FAM135B: variants seen among roughly 807,000 people sequenced by gnomAD.
The protein encoded by FAM135B is protein FAM135B.
In FAM135B, 43 loss-of-function variants were observed where a neutral mutation model predicts 127.7. The observed-to-expected ratio is 0.34, with a 90% CI of 0.26 to 0.43. The LOEUF is 0.43. FAM135B is among the 20% of genes least tolerant of loss of function. The pLI is 1.00. For missense variants in FAM135B, 1,558 were observed against 1,725.6 expected (o/e 0.90, Z 1.72); for synonymous variants, 670 against 665.1 (o/e 1.01, Z -0.11).
Position 138,241,855 on chromosome 8 carries a change from A to G in FAM135B, c.669+1087T>C, listed in dbSNP as rs993377968. The stretch of plus-strand genomic sequence containing the variant: ...CTGGATGAACTGGTCAATTGAATAA[A>G]GCAGATAGCCCTCTCCAACATGAAT... On this transcript the variant is annotated intron_variant, in intron 7 of 19. Coordinates refer to ENST00000395297, the MANE Select transcript of FAM135B (RefSeq NM_015912.4). The surrounding 1 kb of genome is among the most constrained non-coding windows in gnomAD (Gnocchi z 4.8). Among the ~76,000 whole-genome samples, 1 of 152,204 alleles carries G rather than the reference A, an allele frequency of 6.6e-6. No homozygotes were observed. Among genetic ancestry groups the G allele is most frequent in the Non-Finnish European group, 1.5e-5 (1 of 68,044 alleles).
At chr8:138,232,872 T>C (rs1417893292) in intron 7 of FAM135B, among the ~76,000 whole-genome samples, 1 of 152,222 alleles carries the variant, frequency 6.6e-6, no homozygotes, top group Non-Finnish European at 1.5e-5. Flanking sequence ...AGGCACAATG[T>C]TGTACAGCAG....
intron 1 of FAM135B, among the ~76,000 whole-genome samples, chr8:138,463,389 G>A (rs1241971712): frequency 1.3e-5 from 2 of 152,158 alleles, no homozygotes; most frequent in African/African-American, 2.4e-5. Flanking sequence ...CAAGAAGGGT[G>A]GGAGAGAATT....
At chr8:138,387,723 G>C (rs957298928) in intron 1 of FAM135B, among the ~76,000 whole-genome samples, 1 of 151,998 alleles carries the variant, frequency 6.6e-6, no homozygotes, top group African/African-American at 2.4e-5. Flanking sequence ...AAGGTTCATG[G>C]GTGGCATGGT....
At chr8:138,434,447 T>C (rs113638383) in intron 1 of FAM135B, among the ~76,000 whole-genome samples, 1 of 152,162 alleles carries the variant, frequency 6.6e-6, no homozygotes, top group East Asian at 1.9e-4. Context: ...ATTTTATAGA[T>C]GAGGAACCTA....
chr8:138,445,951 C>A (rs1295923398), intron 1 of FAM135B, among the ~76,000 whole-genome samples: 1 of 152,060 alleles, frequency 6.6e-6, no homozygotes, highest in Non-Finnish European at 1.5e-5. Context: ...GCAACTTCAG[C>A]AAAGTCTCAG....
intron 1 of FAM135B, among the ~76,000 whole-genome samples, chr8:138,381,442 A>G (rs1416791274): frequency 1.3e-5 from 2 of 151,962 alleles, no homozygotes; most frequent in Non-Finnish European, 2.9e-5. Flanking sequence ...GAAGCCCCCA[A>G]CCTTGCCTTG....
At chr8:138,435,142 C>CA (rs1835390550) in intron 1 of FAM135B, among the ~76,000 whole-genome samples, 1 of 151,902 alleles carries the variant, frequency 6.6e-6, no homozygotes, top group African/African-American at 2.4e-5. Flanking sequence ...ACTAAAAATA[C>CA]AAAAAATTAG....
At chr8:138,463,170 G>A (rs542775984) in intron 1 of FAM135B, among the ~76,000 whole-genome samples, 13 of 152,270 alleles carry the variant, frequency 8.5e-5, no homozygotes, top group African/African-American at 2.6e-4. Flanking sequence ...TTGCTTCATC[G>A]GGTTCTGTTG....
intron 1 of FAM135B, among the ~76,000 whole-genome samples, chr8:138,495,784 C>T (rs1181610609): frequency 1.3e-5 from 2 of 152,204 alleles, no homozygotes; most frequent in African/African-American, 4.8e-5. Flanking sequence ...GCCCAGGTGC[C>T]TCTCGGCTTT....
intron 12 of FAM135B, among the ~76,000 whole-genome samples, chr8:138,156,157 C>G (rs1156488711): frequency 6.6e-6 from 1 of 152,172 alleles, no homozygotes; most frequent in African/African-American, 2.4e-5. Flanking sequence ...CAAAACCGCT[C>G]AACTACATGG....
At chr8:138,454,012 G>A (rs555222081) in intron 1 of FAM135B, among the ~76,000 whole-genome samples, 1 of 152,060 alleles carries the variant, frequency 6.6e-6, no homozygotes. Flanking sequence ...ATAGATGGTC[G>A]AGCTATGCGT....
intron 7 of FAM135B, among the ~76,000 whole-genome samples, chr8:138,217,772 T>C (rs1417473737): frequency 1.3e-5 from 2 of 152,168 alleles, no homozygotes; most frequent in Non-Finnish European, 2.9e-5. Flanking sequence ...AGTTTCCTCC[T>C]ATGCGTGAGG....
chr8:138,243,297 T>C lies in FAM135B; in HGVS notation c.543-229A>G, dbSNP rs565160011. 4.8e-4 allele frequency among the ~76,000 whole-genome samples: 73 copies of C among 152,304 alleles called. No homozygotes were observed. The highest frequency in any genetic ancestry group is 9.6e-4 in the Non-Finnish European group (65 of 68,028). On this transcript the variant is annotated intron_variant, in intron 6 of 19. Transcript: ENST00000395297. The surrounding 1 kb of genome is among the most constrained non-coding windows in gnomAD (Gnocchi z 7.5). ...CAATGATGATACACATCCTACAATG[T>C]GTGCATGTAAATGCCCACCCTAAAT...
At chr8:138,460,037 G>A (rs996124777) in intron 1 of FAM135B, among the ~76,000 whole-genome samples, 8 of 152,156 alleles carry the variant, frequency 5.3e-5, no homozygotes, top group South Asian at 2.1e-4. Flanking sequence ...GAATAAGGCC[G>A]GCCCATAGGA....
chr8:138,193,490 CTGATCTCG>C (rs1816328394), intron 9 of FAM135B, among the ~76,000 whole-genome samples: 2 of 152,190 alleles, frequency 1.3e-5, no homozygotes, highest in African/African-American at 4.8e-5. Flanking sequence ...GCTCTTCAGC[CTGATCTCG>C]TGATGGGAAA....
chr8:138,408,853 G>C (rs922257246), intron 1 of FAM135B, among the ~76,000 whole-genome samples: 1 of 152,150 alleles, frequency 6.6e-6, no homozygotes, highest in Non-Finnish European at 1.5e-5. Flanking sequence ...GTTACAATCT[G>C]AGATGAGATT....
At chr8:138,368,641 T>C (rs562960622) in intron 1 of FAM135B, among the ~76,000 whole-genome samples, 40 of 152,234 alleles carry the variant, frequency 2.6e-4, no homozygotes, top group Non-Finnish European at 2.9e-4. Flanking sequence ...ACATAGAGCA[T>C]GTGGGTGCTG....
chr8:138,280,976 G>A (rs1043973242), intron 3 of FAM135B, among the ~76,000 whole-genome samples: 1 of 152,164 alleles, frequency 6.6e-6, no homozygotes, highest in South Asian at 2.1e-4. Context: ...CAGCTCCTCC[G>A]GGGGTGGAGG....
At chr8:138,250,772 C>T in intron 6 of FAM135B, 69 bp downstream of exon 6, 1 of 1,564,282 alleles carries the variant, frequency 6.4e-7, no homozygotes, top group South Asian at 1.2e-5. Flanking sequence ...TGGAAAACTC[C>T]CTGCCCCTCT....
Sources: gnomAD v4.1 joint callset for allele counts (sites outside exome capture counted in the v4.1 genomes callset) on GRCh38, gnomAD v4.1.1 for gene constraint, Gnocchi (gnomAD v3.1) non-coding constraint, MANE v1.5 for transcripts, NCBI Gene and HGNC (gene_info 2026-07-23, HGNC 2026-07-21) for gene names.